Variants in C16orf95 observed in about 807,000 individuals in gnomAD.
C16orf95 encodes uncharacterized protein C16orf95.
In C16orf95, 41 loss-of-function variants were observed where a neutral mutation model predicts 32.1. That is an observed-to-expected ratio of 1.28 (90% CI 1.00 to 1.66). The LOEUF is 1.66. C16orf95 is among the 40% of genes most tolerant of loss of function. The pLI, the probability that C16orf95 is intolerant of heterozygous loss-of-function variation, is 0.00. For synonymous variants in C16orf95, 147 were observed against 128.9 expected, an observed-to-expected ratio of 1.14 and a Z score of -0.95; for missense variants, 399 against 325.9, an observed-to-expected ratio of 1.22 and a Z score of -1.73.
chr16:87,309,951 A>G (rs1911205555), intron 5 of C16orf95, among the ~76,000 whole-genome samples: 1 of 152,220 alleles, frequency 6.6e-6, no homozygotes, highest in Admixed American at 6.5e-5. Context: ...TCATAAATAT[A>G]TATACACACA....
rs1007340585 is a variant in C16orf95, at chr16:87,302,851, A to C, written c.*206T>G. 1 of 602,208 alleles carries C rather than the reference A, an allele frequency of 1.7e-6. No individual in the cohort carries two copies. Among genetic ancestry groups the C allele is most frequent in the Non-Finnish European group, 3.0e-6 (1 of 335,508 alleles). The allele number at this position is 602,208 out of a possible 1,614,324, so 37.3% of individuals were successfully genotyped here. A position where few individuals can be genotyped will look rare whatever the true frequency, so the allele number is the denominator to read the frequency against. On this transcript the variant is annotated 3_prime_UTR_variant, in exon 7 of 7. Coordinates refer to ENST00000567970, the MANE Select transcript of C16orf95 (RefSeq NM_001195124.3). ...CAAATAACATTTATTGACCACATTC[A>C]TAACAGAAACTCACCCACATTCACA...
chr16:87,305,600 G>T lies in C16orf95; in HGVS notation c.701+119C>A. 2.4e-6 allele frequency: 2 copies of T among 845,814 alleles called. No homozygotes were observed. Among genetic ancestry groups the T allele is most frequent in the Non-Finnish European group, 3.4e-6 (2 of 581,414 alleles). 52.4% of individuals were successfully genotyped at this position (845,814 alleles called of 1,614,324 possible). On this transcript the variant is annotated intron_variant, in intron 6 of 6. Coordinates refer to ENST00000567970, the MANE Select transcript of C16orf95 (RefSeq NM_001195124.3). The surrounding 1 kb of genome is among the most constrained non-coding windows in gnomAD (Gnocchi z 4.2). ...ACACTCACAGTGCCGGGCCTTGGAC[G>T]CCTGTCAAGTTAAGCCCCACCCCCC...
chr16:87,309,489 T>C (rs1230871310), intron 5 of C16orf95, among the ~76,000 whole-genome samples: 1 of 143,848 alleles, frequency 7.0e-6, no homozygotes, highest in East Asian at 2.3e-4. Flanking sequence ...GTTCAAGCAA[T>C]TCTCATGCCT....
At chr16:87,315,900 G>C in intron 1 of C16orf95, 77 bp from the exon 2 acceptor site, 3 of 1,079,906 alleles carry the variant, frequency 2.8e-6, no homozygotes, top group East Asian at 5.7e-5. Flanking sequence ...GCCTGGACCT[G>C]TCTTCTCAGA....
intron 5 of C16orf95, chr16:87,306,126 A>G (rs1317446146): frequency 4.9e-6 from 2 of 411,410 alleles, no homozygotes; most frequent in Non-Finnish European, 8.6e-6. Context: ...CTGTTTTTCA[A>G]GAGGCTTGCT....
chr16:87,310,196 G>T, intron 5 of C16orf95, 101 bp downstream of exon 5: 1 of 1,171,158 alleles, frequency 8.5e-7, no homozygotes, highest in Non-Finnish European at 1.2e-6. Flanking sequence ...ACTGTGGGCA[G>T]GTGTCTGGTG....
chr16:87,304,548 C>G (rs1439769260), intron 6 of C16orf95, among the ~76,000 whole-genome samples: 1 of 152,262 alleles, frequency 6.6e-6, no homozygotes, highest in Non-Finnish European at 1.5e-5. Context: ...AAAGCTCTCG[C>G]TGTTGCCCAG....
chr16:87,311,055 C>T (rs1911260356), intron 4 of C16orf95, 95 bp downstream of exon 4: 7 of 1,215,054 alleles, frequency 5.8e-6, no homozygotes, highest in South Asian at 1.8e-5. Flanking sequence ...GAGCAGAGCC[C>T]AGGTACCCCT....
At chr16:87,313,655 GC>G (rs1468795489) in intron 3 of C16orf95, among the ~76,000 whole-genome samples, 1 of 152,088 alleles carries the variant, frequency 6.6e-6, no homozygotes, top group African/African-American at 2.4e-5. Flanking sequence ...GATTGCTTGA[GC>G]TAGGGAGTTC....
At chr16:87,307,481 A>G (rs762212230) in intron 5 of C16orf95, among the ~76,000 whole-genome samples, 7 of 152,212 alleles carry the variant, frequency 4.6e-5, no homozygotes, top group Non-Finnish European at 7.3e-5. Flanking sequence ...AAAATAGGCC[A>G]GGCACGGTGG....
At chr16:87,311,466 T>C (rs1310541676) in intron 3 of C16orf95, among the ~76,000 whole-genome samples, 170 bp from the exon 4 acceptor site, 2 of 152,184 alleles carry the variant, frequency 1.3e-5, no homozygotes, top group African/African-American at 4.8e-5. Context: ...ACTCCAGATA[T>C]GGGACTGTGG....
At chr16:87,314,384 T>C (rs1466241142) in intron 3 of C16orf95, among the ~76,000 whole-genome samples, 2 of 152,228 alleles carry the variant, frequency 1.3e-5, no homozygotes, top group Non-Finnish European at 2.9e-5. Flanking sequence ...AAAATAATTA[T>C]GCCAAGTGAA....
chr16:87,315,749 G>C, intron 2 of C16orf95, 23 bp downstream of exon 2: 1 of 1,521,588 alleles, frequency 6.6e-7, no homozygotes, highest in Non-Finnish European at 8.8e-7. Flanking sequence ...CAGGGCCAGT[G>C]GCTGAGGATT....
At chr16:87,315,192 T>C (rs1904308848) in intron 2 of C16orf95, 96 bp from the exon 3 acceptor site, 23 of 1,326,550 alleles carry the variant, frequency 1.7e-5, no homozygotes, top group South Asian at 7.3e-5. Flanking sequence ...CTCAGGAAGA[T>C]GGTGTCCGGG....
intron 1 of C16orf95, among the ~76,000 whole-genome samples, chr16:87,316,501 CA>C (rs1159698905): frequency 6.6e-6 from 1 of 152,168 alleles, no homozygotes; most frequent in Non-Finnish European, 1.5e-5. Flanking sequence ...TCATAATAAC[CA>C]TTATTATTAT....
intron 3 of C16orf95, among the ~76,000 whole-genome samples, chr16:87,312,568 C>CAA (rs71389850): frequency 0.33 from 28,114 of 85,610 alleles, 4,433 homozygotes; most frequent in Non-Finnish European, 0.42. Context: ...GACTCCATCT[C>CAA]AAAAAAAAAA....
intron 3 of C16orf95, among the ~76,000 whole-genome samples, chr16:87,312,143 A>G (rs1911309733): frequency 6.6e-6 from 1 of 152,188 alleles, no homozygotes; most frequent in Admixed American, 6.5e-5. Flanking sequence ...CAGCTTCTCC[A>G]GCGGAAAGAC....
At chr16:87,313,604 G>A (rs1315255029) in intron 3 of C16orf95, among the ~76,000 whole-genome samples, 1 of 152,072 alleles carries the variant, frequency 6.6e-6, no homozygotes, top group African/African-American at 2.4e-5. Context: ...GTATGGTGGT[G>A]CACGCCTGTG....
chr16:87,304,915 C>G (rs371428205), intron 6 of C16orf95, among the ~76,000 whole-genome samples: 2 of 152,232 alleles, frequency 1.3e-5, no homozygotes, highest in African/African-American at 2.4e-5. Context: ...ATGGAGGAGA[C>G]AACGAGCAAA....
Sources: allele counts gnomAD v4.1 joint callset (sites outside exome capture counted in the v4.1 genomes callset), GRCh38; gene constraint gnomAD v4.1.1; non-coding constraint Gnocchi (gnomAD v3.1); transcripts MANE v1.5; gene names NCBI Gene and HGNC (gene_info 2026-07-23, HGNC 2026-07-21).